XNDC1N: variants seen among roughly 807,000 people sequenced by gnomAD.
The protein encoded by XNDC1N is protein XNDC1N.
chr11:71,917,269 C>G, the XNDC1N span: 1 of 674,914 alleles, frequency 1.5e-6, no homozygotes, highest in African/African-American at 1.8e-5. Context: ...TTGTCCCAGT[C>G]TCCCAAAGTG....
the XNDC1N span, chr11:71,917,778 T>C: frequency 4.3e-6 from 3 of 703,134 alleles, no homozygotes; most frequent in Non-Finnish European, 7.8e-6. Context: ...CACAGTTACC[T>C]GGGGACAAAA....
At chr11:71,923,594 C>T in the XNDC1N span, 1,311 of 490,154 alleles carry the variant, frequency 2.7e-3, 3 homozygotes, top group South Asian at 3.4e-3. Context: ...CTTGCTCTGT[C>T]ACCCAGACTG....
the XNDC1N span, among the ~76,000 whole-genome samples, chr11:71,872,435 A>G: frequency 6.6e-6 from 1 of 152,332 alleles, no homozygotes; most frequent in African/African-American, 2.4e-5. Context: ...CACCTAGCTC[A>G]ATCTGTAATC....
the XNDC1N span, among the ~76,000 whole-genome samples, chr11:71,885,079 G>GT: frequency 6.6e-6 from 1 of 152,150 alleles, no homozygotes; most frequent in Non-Finnish European, 1.5e-5. Flanking sequence ...ATTATGAACT[G>GT]TTTCACAAAC....
At chr11:71,866,666 A>G in the XNDC1N span, among the ~76,000 whole-genome samples, 3 of 152,054 alleles carry the variant, frequency 2.0e-5, no homozygotes, top group South Asian at 6.2e-4. Flanking sequence ...CAGGAAGCTG[A>G]GGCAGGAGAA....
the XNDC1N span, among the ~76,000 whole-genome samples, chr11:71,891,668 T>A: frequency 6.6e-6 from 1 of 152,040 alleles, no homozygotes; most frequent in Non-Finnish European, 1.5e-5. Flanking sequence ...GCTGTACAAT[T>A]ACTTCGATAT....
chr11:71,874,077 G>T, the XNDC1N span, among the ~76,000 whole-genome samples: 7 of 152,164 alleles, frequency 4.6e-5, no homozygotes, highest in Non-Finnish European at 8.8e-5. Context: ...CACTTTGGGA[G>T]GCCAAGGCAG....
chr11:71,917,982 C>T, the XNDC1N span, among the ~76,000 whole-genome samples: 1 of 152,218 alleles, frequency 6.6e-6, no homozygotes, highest in Non-Finnish European at 1.5e-5. Flanking sequence ...TCACCATGTT[C>T]CTCCCAGCCA....
chr11:71,911,786 G>A, the XNDC1N span, among the ~76,000 whole-genome samples: 3 of 152,212 alleles, frequency 2.0e-5, no homozygotes, highest in African/African-American at 7.2e-5. Flanking sequence ...GTTATGCATT[G>A]CAGGGGACAC....
At chr11:71,908,875 C>T in the XNDC1N span, among the ~76,000 whole-genome samples, 6 of 152,100 alleles carry the variant, frequency 3.9e-5, no homozygotes, top group South Asian at 2.1e-4. Context: ...TTGCCAGGAA[C>T]CGACCCTCAG....
At chr11:71,886,095 G>T in the XNDC1N span, among the ~76,000 whole-genome samples, 1 of 151,952 alleles carries the variant, frequency 6.6e-6, no homozygotes, top group Non-Finnish European at 1.5e-5. Context: ...TGAGAGAGCA[G>T]CCGTAGACTG....
the XNDC1N span, among the ~76,000 whole-genome samples, chr11:71,871,916 T>C: frequency 6.6e-6 from 1 of 152,288 alleles, no homozygotes; most frequent in East Asian, 1.9e-4. Flanking sequence ...CTGATGGAAA[T>C]ATAAAATAGT....
the XNDC1N span, chr11:71,903,335 G>C: frequency 7.0e-7 from 1 of 1,437,922 alleles, no homozygotes; most frequent in South Asian, 1.1e-5. Flanking sequence ...CATCCTGGCC[G>C]TCAGCCCTGA....
chr11:71,900,358 T>TG, the XNDC1N span, among the ~76,000 whole-genome samples: 2 of 152,022 alleles, frequency 1.3e-5, no homozygotes, highest in African/African-American at 4.8e-5. Flanking sequence ...TACCCACAGC[T>TG]GTGGAGGGGC....
chr11:71,897,814 A>G, the XNDC1N span, among the ~76,000 whole-genome samples: 3 of 152,242 alleles, frequency 2.0e-5, no homozygotes, highest in Non-Finnish European at 2.9e-5. Flanking sequence ...AAGCAACCCA[A>G]GGGTTCGTGG....
the XNDC1N span, among the ~76,000 whole-genome samples, chr11:71,866,197 C>G: frequency 2.7e-5 from 4 of 147,828 alleles, no homozygotes; most frequent in African/African-American, 9.9e-5. Context: ...CTGACCATAT[C>G]TTAACCATTG....
At chr11:71,893,040 G>A in the XNDC1N span, among the ~76,000 whole-genome samples, 953 of 152,280 alleles carry the variant, frequency 6.3e-3, 7 homozygotes, top group African/African-American at 0.019. Flanking sequence ...TACATCAATG[G>A]AAGTTGTAGC....
At chr11:71,872,452 AT>A in the XNDC1N span, among the ~76,000 whole-genome samples, 1 of 152,198 alleles carries the variant, frequency 6.6e-6, no homozygotes, top group Non-Finnish European at 1.5e-5. Context: ...AATCTCATTT[AT>A]TCTTAAGAAA....
At chr11:71,869,195 T>C in the XNDC1N span, among the ~76,000 whole-genome samples, 1,237 of 151,162 alleles carry the variant, frequency 8.2e-3, 13 homozygotes, top group African/African-American at 0.021. Flanking sequence ...ATGCTATCCC[T>C]CCCCGCTCCC....
Sources: gnomAD v4.1 joint callset for allele counts (sites outside exome capture counted in the v4.1 genomes callset) on GRCh38, gnomAD v4.1.1 for gene constraint, MANE v1.5 for transcripts, NCBI Gene and HGNC (gene_info 2026-07-23, HGNC 2026-07-21) for gene names.